Variants in PLCH1 observed in about 807,000 individuals in gnomAD.
PLCH1 encodes 1-phosphatidylinositol 4,5-bisphosphate phosphodiesterase eta-1.
In PLCH1, 60 loss-of-function variants were observed where a neutral mutation model predicts 126.7. The observed-to-expected ratio is 0.47, with a 90% CI of 0.38 to 0.59. The LOEUF is 0.59. Ranked by LOEUF, PLCH1 falls within the 20% of genes least tolerant of loss-of-function variation. The pLI, the probability that PLCH1 is intolerant of heterozygous loss-of-function variation, is 0.00. For missense variants in PLCH1, 1,723 were observed against 2,040.0 expected, an observed-to-expected ratio of 0.84 and a Z score of 2.99; for synonymous variants, 719 against 734.9, an observed-to-expected ratio of 0.98 and a Z score of 0.35.
rs368744137 is a variant in PLCH1, at chr3:155,678,310, T to C, written c.79+25836A>G. Among the ~76,000 whole-genome samples, 18 of 152,226 alleles carry C rather than the reference T, an allele frequency of 1.2e-4. No homozygotes were observed. The East Asian group carries it at 2.1e-3, about 18-fold the overall frequency. On this transcript the variant is annotated intron_variant, in intron 2 of 22. Transcript: ENST00000460012. ...AAGCACATGGCAGGTTTATTCTGAG[T>C]GGCTCTGGGGCACCGTTGAGGGCCA...
intron 21 of PLCH1, among the ~76,000 whole-genome samples, chr3:155,470,670 C>T (rs1328546216): frequency 1.3e-5 from 2 of 152,000 alleles, no homozygotes; most frequent in Non-Finnish European, 2.9e-5. Flanking sequence ...TAAGGGCAGC[C>T]AGAGAGAAAG....
At chr3:155,676,229 G>T (rs1744073923) in intron 2 of PLCH1, 5 of 1,246,984 alleles carry the variant, frequency 4.0e-6, no homozygotes, top group Non-Finnish European at 5.1e-6. Flanking sequence ...AGGCTTTATA[G>T]TGTGGAGAAA....
At chr3:155,645,100 T>C (rs1739867146) in intron 2 of PLCH1, among the ~76,000 whole-genome samples, 1 of 152,198 alleles carries the variant, frequency 6.6e-6, no homozygotes, top group Admixed American at 6.5e-5. Context: ...CCCAAAATCC[T>C]GATGTCCAAT....
chr3:155,506,518 A>T (rs1433901567), intron 12 of PLCH1, among the ~76,000 whole-genome samples: 1 of 61,828 alleles, frequency 1.6e-5, no homozygotes. Flanking sequence ...CCACCCCACC[A>T]CAGTCCCCAG....
At chr3:155,589,160 T>C (rs1054541073) in intron 4 of PLCH1, among the ~76,000 whole-genome samples, 1 of 152,146 alleles carries the variant, frequency 6.6e-6, no homozygotes, top group Admixed American at 6.5e-5. Flanking sequence ...ATGCAAAGCA[T>C]TGAATGATCC....
intron 1 of PLCH1, among the ~76,000 whole-genome samples, chr3:155,724,815 G>T (rs1483751308): frequency 1.6e-4 from 13 of 79,050 alleles, no homozygotes; most frequent in South Asian, 4.5e-4. Context: ...GGGGGGTTTT[G>T]TGTGTGTGTG....
At chr3:155,504,707 GGCCC>G in intron 12 of PLCH1, 81 bp from the exon 13 acceptor site, 2 of 916,548 alleles carry the variant, frequency 2.2e-6, no homozygotes, top group Non-Finnish European at 3.5e-6. Context: ...ATAGCAAGGG[GGCCC>G]TCTTTTCTCT....
At chr3:155,629,026 G>A (rs1018920156) in intron 2 of PLCH1, among the ~76,000 whole-genome samples, 4 of 152,286 alleles carry the variant, frequency 2.6e-5, no homozygotes, top group Non-Finnish European at 5.9e-5. Flanking sequence ...TCACTTCTCA[G>A]TCACATTACC....
At chr3:155,608,791 TA>T (rs1165104204) in intron 2 of PLCH1, among the ~76,000 whole-genome samples, 1 of 152,150 alleles carries the variant, frequency 6.6e-6, no homozygotes, top group Non-Finnish European at 1.5e-5. Context: ...ACAAAAGACA[TA>T]AAGTCTTGGA....
At chr3:155,461,158 C>G (rs548759071) in intron 21 of PLCH1, among the ~76,000 whole-genome samples, 2 of 152,296 alleles carry the variant, frequency 1.3e-5, no homozygotes, top group East Asian at 3.9e-4. Context: ...GCACATTATG[C>G]TAGTCTTCTA....
At chr3:155,693,838 G>A (rs1745597567) in intron 2 of PLCH1, among the ~76,000 whole-genome samples, 7 of 152,028 alleles carry the variant, frequency 4.6e-5, no homozygotes, top group Admixed American at 4.6e-4. Flanking sequence ...GCTGAGGCAG[G>A]GGAATCACTT....
chr3:155,691,502 A>G (rs997268156), intron 2 of PLCH1, among the ~76,000 whole-genome samples: 3 of 152,142 alleles, frequency 2.0e-5, no homozygotes, highest in Admixed American at 6.5e-5. Context: ...CTTCTTCACA[A>G]CTCTGAGACT....
rs370210950 is a variant in PLCH1, at chr3:155,482,849, T to C, written c.3177A>G (p.Thr1059=). ...CCTGGCAATTGCTTGTGGCATTTGATGTGGTTCTCCCACCCCTAGGACTTG... is the reference window on the plus strand; with the variant it reads ...CCTGGCAATTGCTTGTGGCATTTGACGTGGTTCTCCCACCCCTAGGACTTG... ...GMSSPRGGRT[T]SNATSNCQEN... The change falls in exon 23 of 23, where the codon ACA becomes ACG. Residue 1059 remains threonine, a synonymous_variant. Transcript: ENST00000460012. 6.2e-7 allele frequency: 1 copy of C among 1,614,168 alleles called. No homozygotes were observed. Among genetic ancestry groups the C allele is most frequent in the South Asian group, 1.1e-5 (1 of 91,080 alleles).
At chr3:155,552,882 C>T (rs990708208) in intron 9 of PLCH1, among the ~76,000 whole-genome samples, 2 of 152,074 alleles carry the variant, frequency 1.3e-5, no homozygotes, top group South Asian at 4.1e-4. Context: ...AGTAGAATTG[C>T]CAAGAATTGG....
chr3:155,474,627 C>A (rs1439277070), intron 21 of PLCH1, among the ~76,000 whole-genome samples: 244 of 115,708 alleles, frequency 2.1e-3, no homozygotes, highest in Non-Finnish European at 3.2e-3. Context: ...CACATGCACA[C>A]GTATGTTTAT....
intron 21 of PLCH1, among the ~76,000 whole-genome samples, chr3:155,460,749 AGATAGAT>A (rs948542504): frequency 5.3e-5 from 8 of 152,174 alleles, no homozygotes; most frequent in African/African-American, 7.2e-5. Context: ...AAATACACAA[AGATAGAT>A]GATAGATGAT....
At chr3:155,575,363 G>C (rs1227049515) in intron 6 of PLCH1, among the ~76,000 whole-genome samples, 1 of 152,080 alleles carries the variant, frequency 6.6e-6, no homozygotes, top group Non-Finnish European at 1.5e-5. Flanking sequence ...GGTAAGGAAG[G>C]GAGAGGGCAC....
intron 2 of PLCH1, among the ~76,000 whole-genome samples, chr3:155,651,855 G>A (rs1740747024): frequency 6.6e-6 from 1 of 152,120 alleles, no homozygotes; most frequent in South Asian, 2.1e-4. Flanking sequence ...AGTCCTCAGA[G>A]ACAGTAAATT....
intron 3 of PLCH1, among the ~76,000 whole-genome samples, chr3:155,595,720 C>G (rs941555622): frequency 1.6e-4 from 25 of 152,268 alleles, no homozygotes; most frequent in East Asian, 5.8e-4. Flanking sequence ...ATGTATCTAT[C>G]TATCTATCTA....
Sources: gnomAD v4.1 joint callset for allele counts (sites outside exome capture counted in the v4.1 genomes callset) on GRCh38, gnomAD v4.1.1 for gene constraint, MANE v1.5 for transcripts, NCBI Gene and HGNC (gene_info 2026-07-23, HGNC 2026-07-21) for gene names.